Variants in TAOK3 observed in about 807,000 individuals in gnomAD.
The protein encoded by TAOK3 is serine/threonine-protein kinase TAO3.
A neutral mutation model predicts 120.4 loss-of-function variants in TAOK3; 40 were observed. That is an observed-to-expected ratio of 0.33 (90% CI 0.26 to 0.43). The LOEUF (loss-of-function observed/expected upper bound fraction) is 0.43. Ranked by LOEUF, TAOK3 falls within the 20% of genes least tolerant of loss-of-function variation. TAOK3 has a pLI of 1.00. For synonymous variants in TAOK3, 355 were observed against 387.5 expected, an observed-to-expected ratio of 0.92 and a Z score of 0.99; for missense variants, 821 against 1,112.1, an observed-to-expected ratio of 0.74 and a Z score of 3.72.
intron 11 of TAOK3, among the ~76,000 whole-genome samples, chr12:118,206,160 G>A (rs922011670): frequency 2.6e-5 from 4 of 152,198 alleles, no homozygotes; most frequent in African/African-American, 7.2e-5. Context: ...TTGAGTCATG[G>A]CAATGTAGCA....
chr12:118,223,952 T>C (rs374848323), intron 9 of TAOK3, among the ~76,000 whole-genome samples: 18 of 152,312 alleles, frequency 1.2e-4, no homozygotes, highest in East Asian at 9.6e-4. Context: ...TAAGGTTTCT[T>C]ATGAACAAAT....
intron 1 of TAOK3, among the ~76,000 whole-genome samples, chr12:118,347,741 T>A (rs1373680564): frequency 6.6e-6 from 1 of 152,160 alleles, no homozygotes; most frequent in African/African-American, 2.4e-5. Context: ...TCTGATTCAC[T>A]CCTGTTCTTT....
Position 118,239,398 on chromosome 12 carries a change from G to T in TAOK3, c.295-126C>A. On this transcript the variant is annotated intron_variant, in intron 5 of 20. Coordinates refer to ENST00000392533, the MANE Select transcript of TAOK3 (RefSeq NM_016281.4). ...TAAATATTCTGATCTACCCGAACTT[G>T]GACTGAATTTTTGTCATCTGGCACT... 4 of 567,782 alleles carry T rather than the reference G, an allele frequency of 7.0e-6. No homozygotes were observed. The South Asian group carries it at 7.3e-5, about 10-fold the overall frequency. The allele number at this position is 567,782 out of a possible 1,614,324, so 35.2% of individuals were successfully genotyped here.
intron 9 of TAOK3, among the ~76,000 whole-genome samples, chr12:118,214,456 T>C (rs1179234062): frequency 1.3e-5 from 2 of 152,010 alleles, no homozygotes; most frequent in African/African-American, 4.8e-5. Flanking sequence ...CAAAAATATA[T>C]ATTCTCTCCT....
chr12:118,345,029 G>T (rs928120893), intron 1 of TAOK3, among the ~76,000 whole-genome samples: 2 of 152,054 alleles, frequency 1.3e-5, no homozygotes, highest in Non-Finnish European at 2.9e-5. Flanking sequence ...ATTTCATGAG[G>T]TTAGTCTACT....
At chr12:118,196,124 G>T (rs1467212831) in intron 13 of TAOK3, among the ~76,000 whole-genome samples, 2 of 151,878 alleles carry the variant, frequency 1.3e-5, no homozygotes, top group Admixed American at 1.3e-4. Context: ...GATCCCCTCA[G>T]GGCCTGGGAA....
intron 13 of TAOK3, among the ~76,000 whole-genome samples, chr12:118,194,257 C>T (rs2037589195): frequency 6.6e-6 from 1 of 152,076 alleles, no homozygotes; most frequent in Non-Finnish European, 1.5e-5. Context: ...CCACCACTCT[C>T]CTTTGTTTTG....
At chr12:118,352,123 C>G (rs1245184755) in intron 1 of TAOK3, among the ~76,000 whole-genome samples, 1 of 151,964 alleles carries the variant, frequency 6.6e-6, no homozygotes, top group Non-Finnish European at 1.5e-5. Context: ...CCGCCCACCT[C>G]GGCCTCCCAA....
chr12:118,266,359 ATT>A (rs11348740), intron 2 of TAOK3, among the ~76,000 whole-genome samples: 87 of 144,420 alleles, frequency 6.0e-4, no homozygotes, highest in Middle Eastern at 3.5e-3. Flanking sequence ...CGCCCGGCTA[ATT>A]TTTTTTTTTT....
chr12:118,277,852 G>C (rs571344213), intron 1 of TAOK3, among the ~76,000 whole-genome samples: 1 of 152,242 alleles, frequency 6.6e-6, no homozygotes, highest in African/African-American at 2.4e-5. Flanking sequence ...ATATCTTTAA[G>C]TTCCCAGGGG....
chr12:118,175,722 C>T (rs1053311977), intron 16 of TAOK3, among the ~76,000 whole-genome samples: 1 of 152,146 alleles, frequency 6.6e-6, no homozygotes, highest in Admixed American at 6.5e-5. Context: ...CCTTAATACA[C>T]TTAGTAAGTC....
chr12:118,188,959 C>T (rs536624921), intron 14 of TAOK3, among the ~76,000 whole-genome samples: 5 of 152,088 alleles, frequency 3.3e-5, no homozygotes, highest in Non-Finnish European at 7.3e-5. Flanking sequence ...TGAGCGCGCA[C>T]GCGCACGCGT....
Position 118,199,072 on chromosome 12 carries a change from G to A in TAOK3, c.1173C>T (p.Ser391=). 1 of 1,614,200 alleles carries A rather than the reference G, an allele frequency of 6.2e-7. No homozygotes were observed. Among genetic ancestry groups the A allele is most frequent in the Non-Finnish European group, 8.5e-7 (1 of 1,180,042 alleles). ...MHDDESTINS[S]SSVVHKKDHV... is the part of the protein sequence containing the mutation. Reference sequence around the variant, plus strand: ...CTACTTTCTTATGCACGACGGAGGAGCTGGAATTGATTGTGCTTTCGTCAT... The same window carrying A: ...CTACTTTCTTATGCACGACGGAGGAACTGGAATTGATTGTGCTTTCGTCAT... Residue 391 remains serine, a synonymous_variant, in exon 13 of 21, where the codon AGC becomes AGT. Coordinates refer to ENST00000392533, the MANE Select transcript of TAOK3 (RefSeq NM_016281.4).
intron 19 of TAOK3, among the ~76,000 whole-genome samples, chr12:118,159,022 C>T (rs528043994): frequency 1.3e-5 from 2 of 152,166 alleles, no homozygotes; most frequent in Non-Finnish European, 2.9e-5. Flanking sequence ...GAAAGCTTCA[C>T]CGAATTACCA....
intron 1 of TAOK3, among the ~76,000 whole-genome samples, chr12:118,300,664 G>A (rs2042846650): frequency 6.6e-6 from 1 of 151,918 alleles, no homozygotes; most frequent in African/African-American, 2.4e-5. Flanking sequence ...TGATTCTATT[G>A]TTCTTTCTGT....
At chr12:118,157,408 G>C (rs1249476003) in intron 19 of TAOK3, among the ~76,000 whole-genome samples, 1 of 152,154 alleles carries the variant, frequency 6.6e-6, no homozygotes, top group African/African-American at 2.4e-5. Context: ...ACGTGACCCA[G>C]CCTGTTTACC....
chr12:118,177,060 C>T, intron 16 of TAOK3, 141 bp downstream of exon 16: 4 of 868,072 alleles, frequency 4.6e-6, no homozygotes, highest in East Asian at 2.8e-5. Context: ...AGTCACTGTG[C>T]CCGGAAAGCA....
chr12:118,193,449 T>A (rs2037542746), intron 13 of TAOK3, among the ~76,000 whole-genome samples: 1 of 152,236 alleles, frequency 6.6e-6, no homozygotes, highest in Non-Finnish European at 1.5e-5. Context: ...TGAATTTCTA[T>A]ACAAGAGTGA....
intron 1 of TAOK3, among the ~76,000 whole-genome samples, chr12:118,309,763 G>A (rs913932157): frequency 6.6e-6 from 1 of 151,772 alleles, no homozygotes; most frequent in Admixed American, 6.6e-5. Flanking sequence ...TGATCTGCCC[G>A]CCTCAGCCTC....
Sources: allele counts gnomAD v4.1 joint callset (sites outside exome capture counted in the v4.1 genomes callset), GRCh38; gene constraint gnomAD v4.1.1; transcripts MANE v1.5; gene names NCBI Gene and HGNC (gene_info 2026-07-23, HGNC 2026-07-21).